PLXDC1: variants seen among roughly 807,000 people sequenced by gnomAD.
The protein encoded by PLXDC1 is plexin domain-containing protein 1.
Under a neutral mutation model 61.3 loss-of-function variants are expected in PLXDC1, and 39 were observed. The observed-to-expected ratio is 0.64, with a 90% CI of 0.49 to 0.83. The LOEUF (loss-of-function observed/expected upper bound fraction) is 0.83. PLXDC1 is among the 40% of genes least tolerant of loss of function. The pLI is 0.00. For synonymous variants in PLXDC1, 212 were observed against 254.5 expected (o/e 0.83, Z 1.59); for missense variants, 596 against 666.5 (o/e 0.89, Z 1.17).
At position 39,083,494 on chromosome 17, in the gene PLXDC1, C is replaced by T. The variant is rs147201824; in HGVS notation, c.954G>A (p.Leu318=). Residue 318 remains leucine, a synonymous_variant, in exon 9 of 14, where the codon CTG becomes CTA. Coordinates refer to ENST00000315392, the MANE Select transcript of PLXDC1 (RefSeq NM_020405.5). ...RSCDACMSSD[L]TFNCSWCHVL... is the part of the protein sequence containing the mutation. ...CATGGCACCAGCTGCAGTTGAAGGT[C>T]AGGTCTGAGGACATGCAGGCGTCAC... is the stretch of plus-strand genomic sequence containing the variant. 8 of 1,613,836 alleles carry T rather than the reference C, an allele frequency of 5.0e-6. No homozygotes were observed. In the African/African-American group the frequency reaches 1.1e-4, roughly 22 times the overall value.
At chr17:39,117,056 C>T (rs930809594) in intron 2 of PLXDC1, among the ~76,000 whole-genome samples, 3 of 152,206 alleles carry the variant, frequency 2.0e-5, no homozygotes, top group South Asian at 2.1e-4. Context: ...TCAGGGTTGA[C>T]GGGGAATGTG....
intron 7 of PLXDC1, among the ~76,000 whole-genome samples, chr17:39,095,717 T>C (rs927340712): frequency 5.9e-5 from 9 of 151,872 alleles, no homozygotes; most frequent in Non-Finnish European, 1.0e-4. Flanking sequence ...CAGGCTGGAG[T>C]GCAGTGGCAC....
chr17:39,088,943 G>GAAAA (rs56714275), intron 7 of PLXDC1, among the ~76,000 whole-genome samples: 69 of 63,886 alleles, frequency 1.1e-3, no homozygotes, highest in East Asian at 1.3e-3. Context: ...GAGCAAGACT[G>GAAAA]AAAAAAAAAA....
chr17:39,082,948 G>T (rs913840625), intron 9 of PLXDC1, among the ~76,000 whole-genome samples: 1 of 152,212 alleles, frequency 6.6e-6, no homozygotes, highest in Non-Finnish European at 1.5e-5. Flanking sequence ...GATGCCTGTA[G>T]TCCACACCCC....
At chr17:39,114,661 C>T (rs993616151) in intron 2 of PLXDC1, among the ~76,000 whole-genome samples, 4 of 152,206 alleles carry the variant, frequency 2.6e-5, no homozygotes, top group East Asian at 3.8e-4. Context: ...GCCTGTTTTA[C>T]AGGTACCACT....
intron 1 of PLXDC1, among the ~76,000 whole-genome samples, chr17:39,141,987 C>T (rs1244278593): frequency 6.6e-6 from 1 of 151,950 alleles, no homozygotes; most frequent in Admixed American, 6.6e-5. Context: ...AAGTCTTTTT[C>T]CTGTTTTTAA....
chr17:39,072,929 C>T, intron 11 of PLXDC1: 1 of 170,838 alleles, frequency 5.9e-6, no homozygotes, highest in South Asian at 1.5e-4. Flanking sequence ...TTCAAGGGTC[C>T]ACCCTTCCTG....
rs185180425 is a variant in PLXDC1 at position 39,150,275 on chromosome 17, A to G, written c.76+1087T>C. On this transcript the variant is annotated intron_variant, in intron 1 of 13. Coordinates refer to ENST00000315392, the MANE Select transcript of PLXDC1 (RefSeq NM_020405.5). Reference sequence around the variant, plus strand: ...CACCCCCAACATACTCTTCTTCTCAATAGGGACCCAGGTCTGTCTCAGCTA... The same window carrying G: ...CACCCCCAACATACTCTTCTTCTCAGTAGGGACCCAGGTCTGTCTCAGCTA... 8.5e-5 allele frequency among the ~76,000 whole-genome samples: 13 copies of G among 152,100 alleles called. 1 individual carries two copies. In the East Asian group the frequency reaches 1.5e-3, roughly 18 times the overall value.
chr17:39,083,840 C>T (rs1224623497), intron 8 of PLXDC1, among the ~76,000 whole-genome samples: 2 of 152,002 alleles, frequency 1.3e-5, no homozygotes, highest in African/African-American at 4.8e-5. Context: ...ACCATCTCTT[C>T]CTCCCTCCCT....
chr17:39,111,881 GC>G (rs1910816117), intron 2 of PLXDC1: 1 of 152,282 alleles, frequency 6.6e-6, no homozygotes, highest in Non-Finnish European at 1.5e-5. Context: ...AGAGGGGGAC[GC>G]ACTGCTCTCC....
In PLXDC1 at chr17:39,073,801, C is replaced by T. The variant is rs150091606; in HGVS notation, c.1187-1316G>A. Among the ~76,000 whole-genome samples, 1,132 of 152,272 alleles carry T rather than the reference C, an allele frequency of 7.4e-3. 24 individuals are homozygous for T. The highest frequency in any genetic ancestry group is 0.026 in the African/African-American group (1,077 of 41,538). On this transcript the variant is annotated intron_variant, in intron 11 of 13. Transcript: ENST00000315392. Reference sequence around the variant, plus strand: ...CTGTTCTGTTGCTTATAAGATAAGCCCTTCTGCACACAGTTGTTCTGGGTG... The same window carrying T: ...CTGTTCTGTTGCTTATAAGATAAGCTCTTCTGCACACAGTTGTTCTGGGTG...
intron 2 of PLXDC1, among the ~76,000 whole-genome samples, chr17:39,128,088 T>TATGTATATATATATATATA (rs1213213801): frequency 6.7e-5 from 7 of 104,680 alleles, no homozygotes; most frequent in Admixed American, 2.0e-4. Flanking sequence ...TCTCTCTCTC[T>TATGTATATATATATATATA]CTCTATGTGT....
In PLXDC1 at chr17:39,112,496, C is replaced by T. The variant is rs150071123; in HGVS notation, c.256-3105G>A. ...TTTTTGAGACGGAGTCTTGCTCTGT[C>T]GCCCAGGCTGGAGTGCAGTGGTGCG... is the stretch of plus-strand genomic sequence containing the variant. On this transcript the variant is annotated intron_variant, in intron 2 of 13. Coordinates refer to ENST00000315392, the MANE Select transcript of PLXDC1 (RefSeq NM_020405.5). Among the ~76,000 whole-genome samples the T allele has an allele frequency of 4.1e-3, 497 of 120,390 alleles. 3 individuals are homozygous for T. The highest frequency in any genetic ancestry group is 0.018 in the Middle Eastern group (2 of 114). 79.0% of individuals were successfully genotyped at this position (120,390 alleles called of 152,430 possible). A position where few individuals can be genotyped will look rare whatever the true frequency, so the allele number is the denominator to read the frequency against.
chr17:39,152,506 G>T, upstream of PLXDC1: 1 of 1,231,782 alleles, frequency 8.1e-7, no homozygotes, highest in Non-Finnish European at 1.0e-6. Flanking sequence ...CAAGGAATCA[G>T]GTCAGGACAC....
chr17:39,105,478 G>T (rs1027218855), intron 7 of PLXDC1, among the ~76,000 whole-genome samples: 3 of 152,102 alleles, frequency 2.0e-5, no homozygotes, highest in African/African-American at 7.2e-5. Context: ...CTGTCTCCTG[G>T]CATCCTATGA....
At chr17:39,152,002 G>A (rs2045377091), upstream of PLXDC1, among the ~76,000 whole-genome samples, 1 of 151,506 alleles carries the variant, frequency 6.6e-6, no homozygotes, top group East Asian at 1.9e-4. Flanking sequence ...ACTGTTCCCC[G>A]CCCCCAGCTC....
Position 39,083,534 on chromosome 17 carries a change from A to G in PLXDC1, c.914T>C (p.Leu305Pro). 1 of 1,611,754 alleles carries G rather than the reference A, an allele frequency of 6.2e-7. No homozygotes were observed. Among genetic ancestry groups the G allele is most frequent in the East Asian group, 2.2e-5 (1 of 44,738 alleles). ...GCAGGCGTCACAGCTCCTATGCTGC[A>G]GGCAGGCTGCAAGAGAGAAGGCAGT... ...AVEFTPLPTC[L>P]QHRSCDACMS... is the part of the protein sequence containing the mutation. The change falls in exon 9 of 14, where the codon CTG becomes CCG. Residue 305 changes from leucine (L) to proline (P), a missense_variant. Physicochemically the swap from Leu to Pro is moderately conservative, Grantham distance 98. Coordinates refer to ENST00000315392, the MANE Select transcript of PLXDC1 (RefSeq NM_020405.5).
intron 2 of PLXDC1, among the ~76,000 whole-genome samples, chr17:39,133,800 A>AT (rs779041478): frequency 1.1e-4 from 17 of 152,022 alleles, no homozygotes; most frequent in Admixed American, 2.0e-4. Context: ...TTAAAAATGG[A>AT]TTTTTTGTGG....
chr17:39,124,022 G>A (rs551578019), intron 2 of PLXDC1, among the ~76,000 whole-genome samples: 1 of 151,996 alleles, frequency 6.6e-6, no homozygotes, highest in Non-Finnish European at 1.5e-5. Context: ...CCCTTCGATC[G>A]CAGGGCACAT....
Sources: gnomAD v4.1 joint callset for allele counts (sites outside exome capture counted in the v4.1 genomes callset) on GRCh38, gnomAD v4.1.1 for gene constraint, MANE v1.5 for transcripts, NCBI Gene and HGNC (gene_info 2026-07-23, HGNC 2026-07-21) for gene names.